PTPRT: variants seen among roughly 807,000 people sequenced by gnomAD.
PTPRT encodes the protein protein tyrosine phosphatase receptor type T, also known as receptor-type tyrosine-protein phosphatase T.
A neutral mutation model predicts 176.8 loss-of-function variants in PTPRT; 56 were observed. That is an observed-to-expected ratio of 0.32 (90% CI 0.26 to 0.40). The LOEUF is 0.40. PTPRT is among the 10% of genes least tolerant of loss of function. PTPRT has a pLI of 1.00. For synonymous variants in PTPRT, 783 were observed against 739.0 expected (o/e 1.06, Z -0.96); for missense variants, 1,540 against 1,908.2 (o/e 0.81, Z 3.60).
chr20:42,399,946 T>A (rs1439859762), intron 9 of PTPRT, among the ~76,000 whole-genome samples: 1 of 152,182 alleles, frequency 6.6e-6, no homozygotes, highest in Non-Finnish European at 1.5e-5. Context: ...TGTAACTTGG[T>A]TGCCTTAGCA....
intron 11 of PTPRT, among the ~76,000 whole-genome samples, chr20:42,317,704 T>C (rs923896771): frequency 6.6e-6 from 1 of 152,176 alleles, no homozygotes; most frequent in Non-Finnish European, 1.5e-5. Context: ...AAAAAGGCTA[T>C]GGAGAACTGC....
At chr20:42,228,881 C>T (rs964718205) in intron 15 of PTPRT, among the ~76,000 whole-genome samples, 6 of 152,044 alleles carry the variant, frequency 3.9e-5, no homozygotes, top group Admixed American at 3.3e-4. Context: ...GGCAGGATAA[C>T]CTGGGAAGGG....
chr20:42,709,139 G>A (rs576714637), intron 6 of PTPRT, among the ~76,000 whole-genome samples: 8 of 152,324 alleles, frequency 5.3e-5, no homozygotes, highest in African/African-American at 1.9e-4. Context: ...GGTCCTTCGG[G>A]ACAGAAAGGG....
At chr20:42,378,792 C>T (rs1000198783) in intron 9 of PTPRT, among the ~76,000 whole-genome samples, 2 of 152,110 alleles carry the variant, frequency 1.3e-5, no homozygotes, top group South Asian at 2.1e-4. Flanking sequence ...ATCTGTAGAG[C>T]GCAGATACTA....
intron 1 of PTPRT, among the ~76,000 whole-genome samples, chr20:43,095,555 A>G (rs555918361): frequency 1.3e-5 from 2 of 148,160 alleles, no homozygotes; most frequent in Admixed American, 6.7e-5. Context: ...CCCCCCGGCT[A>G]TCTCTCACCC....
rs189751214 is a variant in PTPRT at position 42,281,686 on chromosome 20, C to T, written c.2176+803G>A. Among the ~76,000 whole-genome samples the T allele has an allele frequency of 1.8e-3, 268 of 152,240 alleles. 5 individuals carry two copies. Among genetic ancestry groups the T allele is most frequent in the Non-Finnish European group, 2.8e-4 (19 of 68,012 alleles). ...TTTACCACTTTTATCTCCTTGGAAG[C>T]AGTCTATGAAACTATGGATGCTGCC... On this transcript the variant is annotated intron_variant, in intron 13 of 30. Transcript: ENST00000373187.
chr20:42,608,082 GCTGT>G (rs2073911490), intron 7 of PTPRT, among the ~76,000 whole-genome samples: 1 of 152,148 alleles, frequency 6.6e-6, no homozygotes, highest in South Asian at 2.1e-4. Flanking sequence ...GACCAGTAAA[GCTGT>G]CTGTCCAAGG....
intron 7 of PTPRT, among the ~76,000 whole-genome samples, chr20:42,669,251 T>C (rs1346937796): frequency 1.3e-5 from 2 of 152,136 alleles, no homozygotes; most frequent in African/African-American, 4.8e-5. Flanking sequence ...CAATCTAGGT[T>C]CACCTGCACT....
chr20:43,102,284 T>TCACACACACACA (rs57029983), intron 1 of PTPRT, among the ~76,000 whole-genome samples: 5,987 of 140,472 alleles, frequency 0.043, 222 homozygotes, highest in African/African-American at 0.079. Context: ...CACTCACACA[T>TCACACACACACA]CACACACACA....
At chr20:43,149,616 G>A (rs988949943) in intron 1 of PTPRT, among the ~76,000 whole-genome samples, 2 of 152,188 alleles carry the variant, frequency 1.3e-5, no homozygotes, top group Admixed American at 1.3e-4. Context: ...TTCATGAAGT[G>A]GAGGTAATTT....
the PTPRT span, among the ~76,000 whole-genome samples, chr20:42,065,756 C>T: frequency 3.3e-5 from 5 of 152,252 alleles, no homozygotes; most frequent in African/African-American, 7.2e-5. Context: ...GGAGGGTGAG[C>T]GGTGTAATCT....
At chr20:42,244,873 A>G (rs1234213186) in intron 14 of PTPRT, among the ~76,000 whole-genome samples, 2 of 152,254 alleles carry the variant, frequency 1.3e-5, no homozygotes, top group African/African-American at 4.8e-5. Context: ...TTAAAGGCAC[A>G]CAGTGCCCCA....
intron 27 of PTPRT, among the ~76,000 whole-genome samples, chr20:42,097,301 T>C (rs1003569556): frequency 2.6e-5 from 4 of 152,304 alleles, no homozygotes; most frequent in Non-Finnish European, 4.4e-5. Flanking sequence ...TTCCTCTAGG[T>C]CCCAGCCACA....
intron 1 of PTPRT, among the ~76,000 whole-genome samples, chr20:43,047,345 G>A (rs1283409561): frequency 1.3e-5 from 2 of 152,096 alleles, no homozygotes; most frequent in African/African-American, 4.8e-5. Context: ...TCTTTTAAGA[G>A]GGGGAAATGG....
chr20:42,426,074 T>C (rs1342654311), intron 9 of PTPRT, among the ~76,000 whole-genome samples: 1 of 152,094 alleles, frequency 6.6e-6, no homozygotes, highest in African/African-American at 2.4e-5. Context: ...TTCATAGTGA[T>C]ACGGATAGGA....
At chr20:42,524,282 G>A (rs1254705295) in intron 7 of PTPRT, among the ~76,000 whole-genome samples, 1 of 152,060 alleles carries the variant, frequency 6.6e-6, no homozygotes. Context: ...CCTTTCTGGG[G>A]AAAGAGATTG....
chr20:42,293,579 T>A (rs2057347482), intron 12 of PTPRT, among the ~76,000 whole-genome samples: 1 of 152,202 alleles, frequency 6.6e-6, no homozygotes, highest in Non-Finnish European at 1.5e-5. Context: ...GAGATTATAA[T>A]AAATTGCAAG....
chr20:42,953,295 A>C (rs2146021689), intron 1 of PTPRT, among the ~76,000 whole-genome samples: 1 of 152,310 alleles, frequency 6.6e-6, no homozygotes, highest in Admixed American at 6.5e-5. Context: ...ATAGTGAGGC[A>C]GGCCTGGCCA....
intron 11 of PTPRT, among the ~76,000 whole-genome samples, chr20:42,344,835 C>T (rs755523349): frequency 3.9e-5 from 6 of 152,132 alleles, no homozygotes; most frequent in Non-Finnish European, 8.8e-5. Flanking sequence ...TCTCTGTCCC[C>T]ACGCACTGAG....
Sources: allele counts gnomAD v4.1 joint callset (sites outside exome capture counted in the v4.1 genomes callset), GRCh38; gene constraint gnomAD v4.1.1; transcripts MANE v1.5; gene names NCBI Gene and HGNC (gene_info 2026-07-23, HGNC 2026-07-21).